Variants in CDH13 observed in about 807,000 individuals in gnomAD.
The protein encoded by CDH13 is cadherin 13.
A neutral mutation model predicts 63.8 loss-of-function variants in CDH13; 24 were observed. The observed-to-expected ratio is 0.38, with a 90% confidence interval of 0.27 to 0.53. The LOEUF is 0.53. Ranked by LOEUF, CDH13 falls within the 20% of genes least tolerant of loss-of-function variation. CDH13 has a pLI of 0.85. For synonymous variants in CDH13, 503 were observed against 355.3 expected, an observed-to-expected ratio of 1.42 and a Z score of -4.67; for missense variants, 1,049 against 903.1, an observed-to-expected ratio of 1.16 and a Z score of -2.07.
chr16:83,592,272 A>T (rs1015475584), intron 7 of CDH13, among the ~76,000 whole-genome samples: 32 of 152,208 alleles, frequency 2.1e-4, no homozygotes, highest in Admixed American at 1.2e-3. Context: ...GACCCCCTTC[A>T]TGTAAACCTT....
At chr16:82,705,924 G>C (rs1202855584) in intron 1 of CDH13, among the ~76,000 whole-genome samples, 1 of 152,130 alleles carries the variant, frequency 6.6e-6, no homozygotes, top group Non-Finnish European at 1.5e-5. Context: ...ACAATCAGTG[G>C]TGTTTTCCTT....
At chr16:83,667,811 C>G (rs1333987999) in intron 8 of CDH13, among the ~76,000 whole-genome samples, 1 of 152,000 alleles carries the variant, frequency 6.6e-6, no homozygotes, top group Non-Finnish European at 1.5e-5. Context: ...GCACGTGCCA[C>G]CACACCTGGC....
At chr16:83,553,632 C>G (rs2075551035) in intron 7 of CDH13, among the ~76,000 whole-genome samples, 1 of 152,216 alleles carries the variant, frequency 6.6e-6, no homozygotes, top group Non-Finnish European at 1.5e-5. Context: ...TCTTGGCTCA[C>G]TGCAACCTCT....
intron 3 of CDH13, among the ~76,000 whole-genome samples, chr16:83,036,050 A>G (rs970363285): frequency 9.2e-5 from 14 of 151,978 alleles, no homozygotes; most frequent in East Asian, 3.9e-4. Flanking sequence ...CTGAGACACA[A>G]TGGGGCTGTT....
At chr16:83,106,278 G>A (rs2151612064) in intron 3 of CDH13, among the ~76,000 whole-genome samples, 1 of 152,304 alleles carries the variant, frequency 6.6e-6, no homozygotes, top group East Asian at 1.9e-4. Flanking sequence ...CATGGCTCAT[G>A]CCTGTAATCC....
At chr16:83,395,749 A>G (rs983910171) in intron 6 of CDH13, among the ~76,000 whole-genome samples, 1 of 152,176 alleles carries the variant, frequency 6.6e-6, no homozygotes, top group Non-Finnish European at 1.5e-5. Context: ...CCTGAATTCT[A>G]ATTAATTTCT....
chr16:82,861,588 T>A (rs919658969), intron 2 of CDH13, among the ~76,000 whole-genome samples: 10 of 152,208 alleles, frequency 6.6e-5, no homozygotes, highest in Admixed American at 5.9e-4. Flanking sequence ...TCCTCAATTT[T>A]CAATGACTTA....
intron 2 of CDH13, among the ~76,000 whole-genome samples, chr16:83,029,521 A>G (rs1015182350): frequency 4.0e-5 from 6 of 150,604 alleles, no homozygotes; most frequent in African/African-American, 1.5e-4. Context: ...TACAGTGATC[A>G]GTGATTATTG....
intron 7 of CDH13, among the ~76,000 whole-genome samples, chr16:83,570,524 C>G (rs970607736): frequency 6.6e-5 from 10 of 151,944 alleles, no homozygotes; most frequent in Non-Finnish European, 8.8e-5. Context: ...TACTCATGGT[C>G]TAGCGTGGAA....
At chr16:82,835,272 G>A (rs1006548350) in intron 1 of CDH13, among the ~76,000 whole-genome samples, 6 of 152,170 alleles carry the variant, frequency 3.9e-5, no homozygotes, top group African/African-American at 7.2e-5. Flanking sequence ...GGTGGCTGCC[G>A]CATTGGACAG....
intron 6 of CDH13, among the ~76,000 whole-genome samples, chr16:83,361,031 T>A (rs1437490443): frequency 6.6e-6 from 1 of 152,212 alleles, no homozygotes; most frequent in Non-Finnish European, 1.5e-5. Flanking sequence ...CCACAGTGCC[T>A]GAAGTAATTT....
chr16:82,655,192 T>A (rs1911161308), intron 1 of CDH13, among the ~76,000 whole-genome samples: 1 of 152,244 alleles, frequency 6.6e-6, no homozygotes, highest in African/African-American at 2.4e-5. Context: ...ACAACCAGGT[T>A]CCTATCTTCA....
intron 7 of CDH13, among the ~76,000 whole-genome samples, chr16:83,523,436 T>C (rs974269120): frequency 6.6e-6 from 1 of 152,302 alleles, no homozygotes. Flanking sequence ...AGGCTCTGTC[T>C]TGTCATATGT....
intron 7 of CDH13, among the ~76,000 whole-genome samples, chr16:83,530,843 G>C (rs960241198): frequency 1.3e-4 from 20 of 152,196 alleles, no homozygotes; most frequent in African/African-American, 4.3e-4. Context: ...CCCCTTGGCA[G>C]AGAGGAACCC....
chr16:83,200,468 G>C (rs941499050), intron 4 of CDH13, among the ~76,000 whole-genome samples: 4 of 152,144 alleles, frequency 2.6e-5, no homozygotes, highest in African/African-American at 9.7e-5. Flanking sequence ...ACACAGAACA[G>C]ATCTCCTCAC....
chr16:83,059,785 T>TTTG lies in CDH13; in HGVS notation c.366+27569_366+27570insGTT, dbSNP rs1196704600. Among the ~76,000 whole-genome samples, 102 of 134,716 alleles carry TTTG rather than the reference T, an allele frequency of 7.6e-4. 1 individual carries two copies. The highest frequency in any genetic ancestry group is 2.0e-3 in the South Asian group (8 of 4,072). 88.4% of individuals were successfully genotyped at this position (134,716 alleles called of 152,430 possible). A position where few individuals can be genotyped will look rare whatever the true frequency, so the allele number is the denominator to read the frequency against. On this transcript the variant is annotated intron_variant, in intron 3 of 13. Coordinates refer to ENST00000567109, the MANE Select transcript of CDH13 (RefSeq NM_001257.5). ...TCCAGACTTTTGCCTTTGTTTTTTT[T>TTTG]TTTGTTTGTTTTTTTTTTTTTTTTT...
At chr16:82,937,872 G>C (rs1465163182) in intron 2 of CDH13, among the ~76,000 whole-genome samples, 1 of 152,146 alleles carries the variant, frequency 6.6e-6, no homozygotes, top group East Asian at 1.9e-4. Flanking sequence ...GCTGATTAAA[G>C]TACAATTGGA....
In CDH13 at chr16:82,740,957, T is replaced by C. The variant is rs116216905; in HGVS notation, c.45+113820T>C. On this transcript the variant is annotated intron_variant, in intron 1 of 13. Coordinates refer to ENST00000567109, the MANE Select transcript of CDH13 (RefSeq NM_001257.5). ...AATAACTTTAAAAGGGGTTACCTCC[T>C]TCTCATGCCTATATTTTTAAAAGTA... 5.9e-3 allele frequency among the ~76,000 whole-genome samples: 896 copies of C among 152,318 alleles called. 6 individuals carry two copies. The highest frequency in any genetic ancestry group is 0.021 in the African/African-American group (859 of 41,566).
chr16:82,887,309 G>C (rs1343735439), intron 2 of CDH13, among the ~76,000 whole-genome samples: 1 of 152,136 alleles, frequency 6.6e-6, no homozygotes, highest in African/African-American at 2.4e-5. Flanking sequence ...GCTGATTCCT[G>C]GTCTAAATGA....
Sources: gnomAD v4.1 joint callset for allele counts (sites outside exome capture counted in the v4.1 genomes callset) on GRCh38, gnomAD v4.1.1 for gene constraint, MANE v1.5 for transcripts, NCBI Gene and HGNC (gene_info 2026-07-23, HGNC 2026-07-21) for gene names.